ADGRB2: variants seen among roughly 807,000 people sequenced by gnomAD.
ADGRB2 encodes adhesion G protein-coupled receptor B2, also known as brain-specific angiogenesis inhibitor 2.
Under a neutral mutation model 178.7 loss-of-function variants are expected in ADGRB2, and 47 were observed. That is an observed-to-expected ratio of 0.26 (90% CI 0.21 to 0.34). The LOEUF (loss-of-function observed/expected upper bound fraction) is 0.34. Among genes scored for constraint, ADGRB2 ranks in the 10% least tolerant of loss-of-function variants. The probability of loss-of-function intolerance (pLI) is 1.00; values close to 1 mark genes in which losing one functional copy is unlikely to be tolerated. For missense variants in ADGRB2, 1,584 were observed against 2,180.8 expected (o/e 0.73, Z 5.45); for synonymous variants, 870 against 912.4 (o/e 0.95, Z 0.84).
rs556838419 is a variant in ADGRB2 at position 31,737,402 on chromosome 1, C to T, written c.2979+27G>A. 2.5e-6 allele frequency: 4 copies of T among 1,594,040 alleles called. No individual in the cohort carries two copies. The Admixed American group carries it at 5.0e-5, about 20-fold the overall frequency. ...TCACCCCTCCACCCCACTCACACCC[C>T]TGGCAGCCCTGGAAGTCTGCACCTG... On this transcript the variant is annotated intron_variant, in intron 20 of 32. Coordinates refer to ENST00000373658, the MANE Select transcript of ADGRB2 (RefSeq NM_001364857.2).
rs530877764 is a variant in ADGRB2 at position 31,756,432 on chromosome 1, C to T, written c.405G>A (p.Ala135=). 14 of 1,611,972 alleles carry T rather than the reference C, an allele frequency of 8.7e-6. No homozygotes were observed. The highest frequency in any genetic ancestry group is 3.3e-5 in the Admixed American group (2 of 59,906). ...VGRPEEEEAE[A]AAGLELCSGS... is the part of the protein sequence containing the mutation. ...CGCTGCACAGCTCCAACCCCGCTGC[C>T]GCCTCTGCCTCCTCCTCTTCTGGCC... The change falls in exon 4 of 33, where the codon GCG becomes GCA. Residue 135 remains alanine (A), a synonymous_variant. Transcript: ENST00000373658. This position sits in a 1 kb window ranked among gnomAD's most constrained non-coding sequence, Gnocchi z 8.5.
At position 31,741,227 on chromosome 1, in the gene ADGRB2, G is replaced by C; in HGVS notation, c.1794+146C>G. 1 of 790,832 alleles carries C rather than the reference G, an allele frequency of 1.3e-6. No individual in the cohort carries two copies. The highest frequency in any genetic ancestry group is 2.0e-6 in the Non-Finnish European group (1 of 489,928). 49.0% of individuals were successfully genotyped at this position (790,832 alleles called of 1,614,324 possible). On this transcript the variant is annotated intron_variant, in intron 11 of 32. Coordinates refer to ENST00000373658, the MANE Select transcript of ADGRB2 (RefSeq NM_001364857.2). The surrounding 1 kb of genome is among the most constrained non-coding windows in gnomAD (Gnocchi z 6.5). ...GGCCTTGAGGTATGAGTAGGAGCTTGCCAGACAAGGAGAGGCACAGCCAGG... is the reference window on the plus strand; with the variant it reads ...GGCCTTGAGGTATGAGTAGGAGCTTCCCAGACAAGGAGAGGCACAGCCAGG...
chr1:31,728,780 G>A lies in ADGRB2; in HGVS notation c.4381-147C>T, dbSNP rs1645126773. On this transcript the variant is annotated intron_variant, in intron 29 of 32. Transcript: ENST00000373658. The surrounding 1 kb of genome is among the most constrained non-coding windows in gnomAD (Gnocchi z 6.7). ...GGCCCAGAAGTTGCGGACCTTCATG[G>A]GGCAGCTTTTCAGGCCTCACTGAAC... 4 of 687,248 alleles carry A rather than the reference G, an allele frequency of 5.8e-6. No homozygotes were observed. Among genetic ancestry groups the A allele is most frequent in the Non-Finnish European group, 9.8e-6 (4 of 406,528 alleles). 42.6% of individuals were successfully genotyped at this position (687,248 alleles called of 1,614,324 possible).
Position 31,741,513 on chromosome 1 carries a change from G to A in ADGRB2, c.1688-34C>T, listed in dbSNP as rs199965688. ...CAATAGGACAGAGGTCTGGGCATGG[G>A]GGCCGAGCTCTCACCCACACTCCTC... On this transcript the variant is annotated intron_variant, in intron 10 of 32. Coordinates refer to ENST00000373658, the MANE Select transcript of ADGRB2 (RefSeq NM_001364857.2). The surrounding 1 kb of genome is among the most constrained non-coding windows in gnomAD (Gnocchi z 6.5). 351 of 1,581,358 alleles carry A rather than the reference G, an allele frequency of 2.2e-4. 4 individuals are homozygous for A. The African/African-American group carries it at 3.9e-3, about 18-fold the overall frequency.
chr1:31,742,224 G>A lies in ADGRB2; in HGVS notation c.1253-7C>T, dbSNP rs1280915535. 2.5e-6 allele frequency: 4 copies of A among 1,589,880 alleles called. No individual in the cohort carries two copies. In the African/African-American group the frequency reaches 4.0e-5, roughly 16 times the overall value. On this transcript the variant is annotated splice_polypyrimidine_tract_variant and splice_region_variant and intron_variant, in intron 7 of 32. Coordinates refer to ENST00000373658, the MANE Select transcript of ADGRB2 (RefSeq NM_001364857.2). ...TCTAACCACTGGCCTTCCACTGCAT[G>A]GGGAGACACAAGCAGGGGTGGCTGT... is the stretch of plus-strand genomic sequence containing the variant.
At chr1:31,731,988 G>T in intron 28 of ADGRB2, 127 bp downstream of exon 28, 1 of 1,238,774 alleles carries the variant, frequency 8.1e-7, no homozygotes, top group Non-Finnish European at 1.2e-6. Flanking sequence ...TCCAGCTCAG[G>T]GCTGTCTAAC....
Position 31,742,183 on chromosome 1 carries a change from G to A in ADGRB2, c.1287C>T (p.Gly429=), listed in dbSNP as rs368613171. 3 of 1,611,484 alleles carry A rather than the reference G, an allele frequency of 1.9e-6. No individual in the cohort carries two copies. The highest frequency in any genetic ancestry group is 2.5e-6 in the Non-Finnish European group (3 of 1,178,908). The stretch of plus-strand genomic sequence containing the variant: ...CATTGGCACAGGACGTGGAGCATGG[G>A]CCCCAGGGACCCCATTCTAACCACT... The part of the protein sequence containing the change: ...EGQWLEWGPW[G]PCSTSCANGT... Residue 429 remains glycine (G), a synonymous_variant, in exon 8 of 33, where the codon GGC becomes GGT. Coordinates refer to ENST00000373658, the MANE Select transcript of ADGRB2 (RefSeq NM_001364857.2).
rs746715738 is a variant in ADGRB2 at position 31,730,840 on chromosome 1, C to T, written c.4340G>A (p.Arg1447His). 2 of 1,526,588 alleles carry T rather than the reference C, an allele frequency of 1.3e-6. No individual in the cohort carries two copies. The highest frequency in any genetic ancestry group is 1.8e-6 in the Non-Finnish European group (2 of 1,138,692). 94.6% of individuals were successfully genotyped at this position (1,526,588 alleles called of 1,614,324 possible). The part of the protein sequence containing the change: ...EPGERSRTMP[R>H]TVPGSTMKMG... The stretch of plus-strand genomic sequence containing the variant: ...CTTCATGGTAGAGCCGGGCACGGTG[C>T]GAGGCATGGTCCGGCTGCGCTCCCC... The change falls in exon 29 of 33, where the codon CGC becomes CAC. Residue 1447 changes from arginine to histidine, a missense_variant. Arg to His is a conservative substitution (Grantham distance 29). Around this residue, in one of 3 missense-constraint regions of ADGRB2, gnomAD observed 865 missense variants for 1,192.8 expected, o/e 0.73. Coordinates refer to ENST00000373658, the MANE Select transcript of ADGRB2 (RefSeq NM_001364857.2).
chr1:31,735,732 C>T lies in ADGRB2; in HGVS notation c.3268-67G>A. The T allele has an allele frequency of 6.3e-7, 1 of 1,576,118 alleles. No individual in the cohort carries two copies. Among genetic ancestry groups the T allele is most frequent in the Non-Finnish European group, 8.6e-7 (1 of 1,156,114 alleles). On this transcript the variant is annotated intron_variant, in intron 23 of 32. Transcript: ENST00000373658. This position sits in a 1 kb window ranked among gnomAD's most constrained non-coding sequence, Gnocchi z 6.0. ...AGGTGCCCTCCTGGCAGGGAAATCC[C>T]CATGTGGGAGCTGGAGCGCAGGGAG...
In ADGRB2 at chr1:31,735,369, G is replaced by T; in HGVS notation, c.3354-88C>A. ...AGAATGAGCCCCGAGTGGGGTGGGA[G>T]GGGAGGGCAGACGAGAGAGAGAGAG... On this transcript the variant is annotated intron_variant, in intron 24 of 32. Transcript: ENST00000373658. The surrounding 1 kb of genome is among the most constrained non-coding windows in gnomAD (Gnocchi z 6.0). 8.5e-7 allele frequency: 1 copy of T among 1,174,456 alleles called. No homozygotes were observed. The allele number at this position is 1,174,456 out of a possible 1,614,324, so 72.8% of individuals were successfully genotyped here.
chr1:31,737,495 G>A lies in ADGRB2; in HGVS notation c.2913C>T (p.Asn971=). 1 of 1,614,192 alleles carries A rather than the reference G, an allele frequency of 6.2e-7. No homozygotes were observed. ...TGGATGCCAAGATGGACAGGCAGAA[G>A]TTCAGCAAGATGATGGAGCGTTCAG... The part of the protein sequence containing the change: ...IKSERSIILL[N]FCLSILASNI... The change falls in exon 20 of 33, where the codon AAC becomes AAT. Residue 971 remains asparagine (N), a synonymous_variant. Coordinates refer to ENST00000373658, the MANE Select transcript of ADGRB2 (RefSeq NM_001364857.2).
intron 4 of ADGRB2, among the ~76,000 whole-genome samples, chr1:31,751,777 T>C (rs1020343291): frequency 3.3e-5 from 5 of 152,188 alleles, no homozygotes; most frequent in African/African-American, 1.2e-4. Context: ...CAACTCCAAA[T>C]CACCTTCTTT....
At chr1:31,738,471 C>A in intron 17 of ADGRB2, 116 bp downstream of exon 17, 3 of 1,527,278 alleles carry the variant, frequency 2.0e-6, no homozygotes, top group Non-Finnish European at 2.7e-6. Flanking sequence ...ACGTTCTTGA[C>A]CCCTTAGGCT....
At position 31,738,954 on chromosome 1, in the gene ADGRB2, G is replaced by A. The variant is rs776654580; in HGVS notation, c.2496-17C>T. 5.0e-6 allele frequency: 8 copies of A among 1,589,740 alleles called. No individual in the cohort carries two copies. In the South Asian group the frequency reaches 5.6e-5, roughly 11 times the overall value. On this transcript the variant is annotated splice_polypyrimidine_tract_variant and intron_variant, in intron 15 of 32. Transcript: ENST00000373658. ...AGCGGGGGCCTGCGGGACAGGTACCGAAGTCAGCTCCTGCCAGCGGGTGCC... is the reference window on the plus strand; with the variant it reads ...AGCGGGGGCCTGCGGGACAGGTACCAAAGTCAGCTCCTGCCAGCGGGTGCC...
Position 31,731,430 on chromosome 1 carries a change from G to C in ADGRB2, c.3761-11C>G. On this transcript the variant is annotated splice_polypyrimidine_tract_variant and intron_variant, in intron 28 of 32. Transcript: ENST00000373658. Reference sequence around the variant, plus strand: ...CCTCCTTGAACAGCACTGGGGGCAGGAGTGGGAGGGAGGGGGTGAGTCCTG... The same window carrying C: ...CCTCCTTGAACAGCACTGGGGGCAGCAGTGGGAGGGAGGGGGTGAGTCCTG... The C allele has an allele frequency of 6.4e-7, 1 of 1,568,598 alleles. No individual in the cohort carries two copies. The highest frequency in any genetic ancestry group is 2.3e-5 in the East Asian group (1 of 44,386).
At chr1:31,738,048 C>T in intron 18 of ADGRB2, 152 bp downstream of exon 18, 1 of 1,243,800 alleles carries the variant, frequency 8.0e-7, no homozygotes, top group African/African-American at 1.5e-5. Flanking sequence ...GAGCACAATC[C>T]CAGGGGCACA....
chr1:31,752,077 C>T (rs1570026519), intron 4 of ADGRB2, among the ~76,000 whole-genome samples: 1 of 152,208 alleles, frequency 6.6e-6, no homozygotes, highest in South Asian at 2.1e-4. Context: ...CAAAACTGAA[C>T]CCGGACTGGG....
At position 31,740,443 on chromosome 1, in the gene ADGRB2, G is replaced by A. The variant is rs1470754712; in HGVS notation, c.1893C>T (p.Tyr631=). The A allele has an allele frequency of 7.4e-6, 12 of 1,613,842 alleles. No homozygotes were observed. Among genetic ancestry groups the A allele is most frequent in the Non-Finnish European group, 1.0e-5 (12 of 1,180,002 alleles). Residue 631 remains tyrosine (Y), a synonymous_variant, in exon 12 of 33, where the codon TAC becomes TAT. Transcript: ENST00000373658. The surrounding 1 kb of genome is among the most constrained non-coding windows in gnomAD (Gnocchi z 5.9). ...SLQELLARRT[Y]YSGDLLFSVD... Reference sequence around the variant, plus strand: ...CAGAGAAGAGCAGGTCCCCACTATAGTAGGTGCGCCGGGCCAGTAGCTCCT... The same window carrying A: ...CAGAGAAGAGCAGGTCCCCACTATAATAGGTGCGCCGGGCCAGTAGCTCCT...
intron 1 of ADGRB2, among the ~76,000 whole-genome samples, chr1:31,762,549 T>C (rs958294185): frequency 6.6e-6 from 1 of 152,190 alleles, no homozygotes; most frequent in African/African-American, 2.4e-5. Context: ...CCAATCCTGC[T>C]GGTCTGTACG....
Sources: allele counts gnomAD v4.1 joint callset (sites outside exome capture counted in the v4.1 genomes callset), GRCh38; gene constraint gnomAD v4.1.1; regional missense constraint gnomAD v4.1.1; non-coding constraint Gnocchi (gnomAD v3.1); transcripts MANE v1.5; gene names NCBI Gene and HGNC (gene_info 2026-07-23, HGNC 2026-07-21).